SPAST: variants seen among roughly 807,000 people sequenced by gnomAD.
SPAST encodes the protein spastic paraplegia 4 (autosomal dominant; spastin).
Under a neutral mutation model 76.6 loss-of-function variants are expected in SPAST, and 30 were observed. That is an observed-to-expected ratio of 0.39 (90% CI 0.29 to 0.53). The LOEUF is 0.53. Among genes scored for constraint, SPAST ranks in the 20% least tolerant of loss-of-function variants. The pLI is 0.68. For missense variants in SPAST, 717 were observed against 770.5 expected (o/e 0.93, Z 0.82); for synonymous variants, 305 against 281.0 (o/e 1.09, Z -0.86).
intron 16 of SPAST, among the ~76,000 whole-genome samples, chr2:32,153,311 T>C (rs1206238187): frequency 2.1e-5 from 3 of 145,136 alleles, no homozygotes; most frequent in African/African-American, 7.6e-5. Context: ...AACTGCATTT[T>C]GCCTTAATTT....
chr2:32,113,958 TA>T (rs1678723202), intron 4 of SPAST, among the ~76,000 whole-genome samples: 1 of 151,878 alleles, frequency 6.6e-6, no homozygotes, highest in South Asian at 2.1e-4. Flanking sequence ...TTTTTTTTTT[TA>T]TTTGAGATGG....
chr2:32,143,411 G>C lies in SPAST; in HGVS notation c.1612G>C (p.Ala538Pro). 6.3e-7 allele frequency: 1 copy of C among 1,591,482 alleles called. No individual in the cohort carries two copies. Among genetic ancestry groups the C allele is most frequent in the Non-Finnish European group, 8.6e-7 (1 of 1,160,704 alleles). Residue 538 changes from alanine (A) to proline (P), a missense_variant, in exon 14 of 17, where the codon GCT (alanine) becomes CCT (proline). Coordinates refer to ENST00000315285, the MANE Select transcript of SPAST (RefSeq NM_014946.4). ...PLTQKELAQL[A>P]RMTDGYSGSD... is the part of the protein sequence containing the mutation. ...GACCCAAAAAGAACTAGCACAACTT[G>C]CTAGGTGAGTAATTTGGATTTGGTT...
Position 32,154,646 on chromosome 2 carries a change from A to C in SPAST, c.*150A>C, listed in dbSNP as rs1178919503. On this transcript the variant is annotated 3_prime_UTR_variant, in exon 17 of 17. Coordinates refer to ENST00000315285, the MANE Select transcript of SPAST (RefSeq NM_014946.4). ...TGCACCAAACTTGAAGATGAACCAG[A>C]AAACAGACTTAAACAAAATATACAA... is the stretch of plus-strand genomic sequence containing the variant. The C allele has an allele frequency of 3.8e-6, 3 of 784,470 alleles. No homozygotes were observed. Among genetic ancestry groups the C allele is most frequent in the Non-Finnish European group, 6.2e-6 (3 of 480,294 alleles). 48.6% of individuals were successfully genotyped at this position (784,470 alleles called of 1,614,324 possible). A position where few individuals can be genotyped will look rare whatever the true frequency, so the allele number is the denominator to read the frequency against.
intron 1 of SPAST, among the ~76,000 whole-genome samples, chr2:32,080,677 A>G (rs1402060333): frequency 6.6e-6 from 1 of 152,012 alleles, no homozygotes; most frequent in Non-Finnish European, 1.5e-5. Flanking sequence ...AAATGTATCT[A>G]AAGGATAATC....
At position 32,114,677 on chromosome 2, in the gene SPAST, A is replaced by T; in HGVS notation, c.722A>T (p.His241Leu). The T allele has an allele frequency of 6.2e-7, 1 of 1,614,158 alleles. No homozygotes were observed. The change falls in exon 5 of 17, where the codon CAC becomes CTC. Residue 241 changes from histidine to leucine, a missense_variant. Coordinates refer to ENST00000315285, the MANE Select transcript of SPAST (RefSeq NM_014946.4). ...AVPKRKDPLTHTSNSLPRSKT... is the reference protein window; with the variant it reads ...AVPKRKDPLTLTSNSLPRSKT... The stretch of plus-strand genomic sequence containing the variant: ...CCAAAAAGAAAAGACCCCTTAACAC[A>T]CACTAGTAATTCACTGCCTCGTTCA...
intron 9 of SPAST, among the ~76,000 whole-genome samples, chr2:32,136,019 A>T (rs1679524238): frequency 6.6e-6 from 1 of 151,602 alleles, no homozygotes; most frequent in African/African-American, 2.4e-5. Context: ...CAAAAGTCAC[A>T]GTGAGCCGAG....
chr2:32,072,104 A>G (rs1277162783), intron 1 of SPAST, among the ~76,000 whole-genome samples: 1 of 152,152 alleles, frequency 6.6e-6, no homozygotes, highest in African/African-American at 2.4e-5. Context: ...GTGCAGTGGC[A>G]TGATCTCGGC....
rs1307800500 is a variant in SPAST, at chr2:32,133,889, G to T, written c.1246-2674G>T. On this transcript the variant is annotated intron_variant, in intron 9 of 16. Transcript: ENST00000315285. ...TTATCTGTGCTAAGTAAAATCTTCT[G>T]TAAGTTTCTTTAAATATTTTAATAA... is the stretch of plus-strand genomic sequence containing the variant. 3.3e-5 allele frequency among the ~76,000 whole-genome samples: 5 copies of T among 152,222 alleles called. No homozygotes were observed. In the East Asian group the frequency reaches 9.6e-4, roughly 29 times the overall value.
chr2:32,137,894 A>G (rs954210040), intron 12 of SPAST, among the ~76,000 whole-genome samples: 10 of 152,110 alleles, frequency 6.6e-5, no homozygotes, highest in Admixed American at 6.6e-4. Context: ...CTCCCCACTT[A>G]TGAGAACATG....
In SPAST at chr2:32,143,423, A is replaced by G. The variant is rs1558340890; in HGVS notation, c.1616+8A>G. The G allele has an allele frequency of 1.3e-6, 2 of 1,556,596 alleles. No individual in the cohort carries two copies. Among genetic ancestry groups the G allele is most frequent in the Non-Finnish European group, 1.8e-6 (2 of 1,129,442 alleles). On this transcript the variant is annotated splice_region_variant and intron_variant, in intron 14 of 16. Transcript: ENST00000315285. Reference sequence around the variant, plus strand: ...ACTAGCACAACTTGCTAGGTGAGTAATTTGGATTTGGTTTATCTTACAGCT... The same window carrying G: ...ACTAGCACAACTTGCTAGGTGAGTAGTTTGGATTTGGTTTATCTTACAGCT...
rs566720428 is a variant in SPAST, at chr2:32,142,050, C to G, written c.1536+104C>G. On this transcript the variant is annotated intron_variant, in intron 13 of 16. Transcript: ENST00000315285. ...TCCATGGTACAGCTACTTTGGAAAACAGTTTAGTGGTTTCTTAAAAAGATG... is the reference window on the plus strand; with the variant it reads ...TCCATGGTACAGCTACTTTGGAAAAGAGTTTAGTGGTTTCTTAAAAAGATG... 1.4e-5 allele frequency: 13 copies of G among 908,456 alleles called. No individual in the cohort carries two copies. In the South Asian group the frequency reaches 1.8e-4, roughly 13 times the overall value. The allele number at this position is 908,456 out of a possible 1,614,324, so 56.3% of individuals were successfully genotyped here.
rs200184882 is a variant in SPAST, at chr2:32,111,373, T to TAC, written c.683-3264_683-3263insCA. On this transcript the variant is annotated intron_variant, in intron 4 of 16. Coordinates refer to ENST00000315285, the MANE Select transcript of SPAST (RefSeq NM_014946.4). ...CTGTATAGTGTGTATAGCGTATATA[T>TAC]AGTATACTGTATAGCGTATAGAGTA... Among the ~76,000 whole-genome samples the TAC allele has an allele frequency of 1.5e-3, 210 of 144,720 alleles. 7 individuals are homozygous for TAC. Among genetic ancestry groups the TAC allele is most frequent in the African/African-American group, 4.4e-3 (178 of 40,268 alleles). The allele number at this position is 144,720 out of a possible 152,430, so 94.9% of individuals were successfully genotyped here. A position where few individuals can be genotyped will look rare whatever the true frequency, so the allele number is the denominator to read the frequency against.
chr2:32,064,818 A>G (rs573973846), intron 1 of SPAST, among the ~76,000 whole-genome samples: 1 of 152,342 alleles, frequency 6.6e-6, no homozygotes, highest in Admixed American at 6.5e-5. Flanking sequence ...CAATGAAGTT[A>G]TATTTAGCAT....
At chr2:32,088,367 A>C (rs944520405) in intron 2 of SPAST, among the ~76,000 whole-genome samples, 3 of 149,858 alleles carry the variant, frequency 2.0e-5, no homozygotes, top group African/African-American at 7.3e-5. Context: ...TATTTGGGCC[A>C]GGCACAGTGG....
At chr2:32,076,978 C>A (rs554817680) in intron 1 of SPAST, among the ~76,000 whole-genome samples, 1 of 152,042 alleles carries the variant, frequency 6.6e-6, no homozygotes, top group East Asian at 1.9e-4. Flanking sequence ...CAGGTTCAAA[C>A]GATTCTCCTG....
intron 1 of SPAST, among the ~76,000 whole-genome samples, chr2:32,071,180 C>T (rs1015912589): frequency 5.3e-5 from 8 of 152,010 alleles, no homozygotes; most frequent in African/African-American, 1.7e-4. Context: ...CTCTAGGTGA[C>T]GTTTGATTTC....
intron 1 of SPAST, among the ~76,000 whole-genome samples, chr2:32,075,605 A>G (rs1676928051): frequency 1.7e-5 from 2 of 119,802 alleles, no homozygotes; most frequent in Non-Finnish European, 3.2e-5. Context: ...GCTGGACTGC[A>G]GTGGTGCAAT....
At chr2:32,125,006 A>G (rs569521768) in intron 7 of SPAST, among the ~76,000 whole-genome samples, 86 of 152,282 alleles carry the variant, frequency 5.6e-4, no homozygotes, top group African/African-American at 2.0e-3. Context: ...TATAAAACAT[A>G]AGAGTGAACC....
At chr2:32,122,657 G>C (rs1679058433) in intron 7 of SPAST, among the ~76,000 whole-genome samples, 1 of 151,966 alleles carries the variant, frequency 6.6e-6, no homozygotes, top group Non-Finnish European at 1.5e-5. Context: ...AAACAGTTGA[G>C]GGATAGGCAT....
Sources: allele counts gnomAD v4.1 joint callset (sites outside exome capture counted in the v4.1 genomes callset), GRCh38; gene constraint gnomAD v4.1.1; transcripts MANE v1.5; gene names NCBI Gene and HGNC (gene_info 2026-07-23, HGNC 2026-07-21).